The following ATP6V1C1 variants were observed in gnomAD, a reference collection of about 807,000 sequenced individuals.
ATP6V1C1 encodes V-type proton ATPase subunit C 1.
A neutral mutation model predicts 53.9 loss-of-function variants in ATP6V1C1; 45 were observed. That is an observed-to-expected ratio of 0.83 (90% confidence interval 0.66 to 1.07). The LOEUF (loss-of-function observed/expected upper bound fraction) is 1.07, where lower values mean the gene tolerates loss of function less well. Among genes scored for constraint, ATP6V1C1 ranks in the 50% least tolerant of loss-of-function variants. The pLI, the probability that ATP6V1C1 is intolerant of heterozygous loss-of-function variation, is 0.00. For synonymous variants in ATP6V1C1, 153 were observed against 155.2 expected, an observed-to-expected ratio of 0.99 and a Z score of 0.11; for missense variants, 315 against 440.3, an observed-to-expected ratio of 0.72 and a Z score of 2.55.
In ATP6V1C1 at chr8:103,069,025, T is replaced by C; in HGVS notation, c.*278T>C. The C allele has an allele frequency of 5.0e-6, 1 of 200,696 alleles. No individual in the cohort carries two copies. The highest frequency in any genetic ancestry group is 9.9e-6 in the Non-Finnish European group (1 of 101,076). 12.4% of individuals were successfully genotyped at this position (200,696 alleles called of 1,614,324 possible). On this transcript the variant is annotated 3_prime_UTR_variant, in exon 13 of 13. Coordinates refer to ENST00000518738, the MANE Select transcript of ATP6V1C1 (RefSeq NM_001695.5). ...ATAGTTTATTTAAAGAGAAGGTCTCTTCCTTATTGATATCATGGTATGCAT... is the reference window on the plus strand; with the variant it reads ...ATAGTTTATTTAAAGAGAAGGTCTCCTCCTTATTGATATCATGGTATGCAT...
intron 1 of ATP6V1C1, among the ~76,000 whole-genome samples, chr8:103,039,104 A>T (rs1000516484): frequency 6.6e-6 from 1 of 152,206 alleles, no homozygotes; most frequent in African/African-American, 2.4e-5. Context: ...ACATTCATTT[A>T]ATACCACTGT....
intron 4 of ATP6V1C1, among the ~76,000 whole-genome samples, chr8:103,049,423 G>A (rs992025791): frequency 1.8e-4 from 27 of 151,996 alleles, no homozygotes; most frequent in African/African-American, 6.0e-4. Flanking sequence ...TATGATTTTG[G>A]CATTTCTTTA....
chr8:103,057,939 A>G (rs1041804910), intron 8 of ATP6V1C1, among the ~76,000 whole-genome samples: 5 of 152,012 alleles, frequency 3.3e-5, no homozygotes, highest in Non-Finnish European at 7.4e-5. Flanking sequence ...GGCTGTTGAT[A>G]CTGACAGATC....
intron 1 of ATP6V1C1, among the ~76,000 whole-genome samples, chr8:103,033,229 AG>A (rs1816829678): frequency 6.6e-6 from 1 of 152,048 alleles, no homozygotes; most frequent in South Asian, 2.1e-4. Flanking sequence ...TGGGGATGAT[AG>A]AAGTGTCCTT....
chr8:103,021,111 C>G lies in ATP6V1C1; in HGVS notation c.-154C>G, dbSNP rs1232593305. On this transcript the variant is annotated 5_prime_UTR_variant, in exon 1 of 13. Coordinates refer to ENST00000518738, the MANE Select transcript of ATP6V1C1 (RefSeq NM_001695.5). ...CTGTGTTCGCTTGGGTAGAGGAAGC[C>G]GTGAGGCCGGAGCTTAGGTCGGGAA... 3 of 152,890 alleles carry G rather than the reference C, an allele frequency of 2.0e-5. No homozygotes were observed. Among genetic ancestry groups the G allele is most frequent in the Non-Finnish European group, 4.4e-5 (3 of 68,244 alleles). The allele number at this position is 152,890 out of a possible 1,614,324, so 9.5% of individuals were successfully genotyped here. A position where few individuals can be genotyped will look rare whatever the true frequency, so the allele number is the denominator to read the frequency against.
In ATP6V1C1 at chr8:103,072,800, C is replaced by T. The variant is rs1450514729; in HGVS notation, c.*4053C>T. ...AGAGTAAAGCCATGGAAGCCATGAACAGTAAGAGACTGCCGCCTGGCATGG... is the reference window on the plus strand; with the variant it reads ...AGAGTAAAGCCATGGAAGCCATGAATAGTAAGAGACTGCCGCCTGGCATGG... On this transcript the variant is annotated 3_prime_UTR_variant, in exon 13 of 13. Coordinates refer to ENST00000518738, the MANE Select transcript of ATP6V1C1 (RefSeq NM_001695.5). 6.6e-6 allele frequency: 1 copy of T among 152,182 alleles called. No individual in the cohort carries two copies. The highest frequency in any genetic ancestry group is 1.5e-5 in the Non-Finnish European group (1 of 68,040). The allele number at this position is 152,182 out of a possible 1,614,324, so 9.4% of individuals were successfully genotyped here. A position where few individuals can be genotyped will look rare whatever the true frequency, so the allele number is the denominator to read the frequency against.
At chr8:103,025,025 T>C (rs1188841329) in intron 1 of ATP6V1C1, among the ~76,000 whole-genome samples, 1 of 152,064 alleles carries the variant, frequency 6.6e-6, no homozygotes, top group African/African-American at 2.4e-5. Flanking sequence ...GAGTATTAAC[T>C]GTATATCTAA....
intron 3 of ATP6V1C1, among the ~76,000 whole-genome samples, chr8:103,045,738 G>A (rs897266725): frequency 3.9e-5 from 6 of 152,124 alleles, no homozygotes; most frequent in Admixed American, 1.3e-4. Context: ...TCAGGAGATC[G>A]AGACCATCCT....
Position 103,062,978 on chromosome 8 carries a change from G to A in ATP6V1C1, c.665G>A (p.Ser222Asn). The A allele has an allele frequency of 6.2e-7, 1 of 1,613,600 alleles. No individual in the cohort carries two copies. The highest frequency in any genetic ancestry group is 1.3e-5 in the African/African-American group (1 of 74,942). The change falls in exon 9 of 13, where the codon AGT becomes AAT. Residue 222 changes from serine (S) to asparagine (N), a missense_variant. Ser to Asn is a conservative substitution (Grantham distance 46). Coordinates refer to ENST00000518738, the MANE Select transcript of ATP6V1C1 (RefSeq NM_001695.5). ...SSNVLSEDQD[S>N]YLCNVTLFRK... The stretch of plus-strand genomic sequence containing the variant: ...AGTGTTCTTTCAGAGGACCAAGACA[G>A]TTACCTGTGTAATGTCACCTTGTTT...
intron 1 of ATP6V1C1, among the ~76,000 whole-genome samples, chr8:103,029,751 G>C (rs1391627214): frequency 6.9e-6 from 1 of 144,032 alleles, no homozygotes; most frequent in Non-Finnish European, 1.5e-5. Context: ...TTTTTTTTTT[G>C]AGATGGAGTC....
chr8:103,028,309 A>T (rs1816733324), intron 1 of ATP6V1C1, among the ~76,000 whole-genome samples: 1 of 152,178 alleles, frequency 6.6e-6, no homozygotes, highest in Admixed American at 6.5e-5. Flanking sequence ...GAGGAATGCG[A>T]GGATAAGGCA....
chr8:103,049,411 A>T (rs1343464794), intron 4 of ATP6V1C1, among the ~76,000 whole-genome samples: 1 of 152,186 alleles, frequency 6.6e-6, no homozygotes, highest in Non-Finnish European at 1.5e-5. Flanking sequence ...GTGCCCCCTC[A>T]GTATGATTTT....
intron 3 of ATP6V1C1, among the ~76,000 whole-genome samples, chr8:103,047,430 G>GCACACACACACACACA (rs546475923): frequency 3.8e-5 from 4 of 104,950 alleles, no homozygotes; most frequent in South Asian, 6.8e-4. Flanking sequence ...AAATGCGCGC[G>GCACACACACACACACA]CACACACACA....
chr8:103,047,504 T>TA (rs1817126626), intron 3 of ATP6V1C1, among the ~76,000 whole-genome samples: 1 of 150,968 alleles, frequency 6.6e-6, no homozygotes, highest in Non-Finnish European at 1.5e-5. Context: ...AGGAATTTCT[T>TA]AATTTGTCTT....
intron 8 of ATP6V1C1, among the ~76,000 whole-genome samples, chr8:103,061,494 T>C (rs759509683): frequency 2.0e-5 from 3 of 152,208 alleles, no homozygotes; most frequent in Non-Finnish European, 4.4e-5. Flanking sequence ...CTCCATTTTG[T>C]AAAATTTCCT....
chr8:103,041,341 C>A (rs1461215050), intron 2 of ATP6V1C1, among the ~76,000 whole-genome samples: 5 of 152,066 alleles, frequency 3.3e-5, no homozygotes, highest in African/African-American at 1.2e-4. Context: ...AAATGTGTTA[C>A]CATGGCACCT....
At chr8:103,039,160 G>A (rs1431448869) in intron 1 of ATP6V1C1, among the ~76,000 whole-genome samples, 3 of 152,148 alleles carry the variant, frequency 2.0e-5, no homozygotes, top group Non-Finnish European at 4.4e-5. Flanking sequence ...CTGTAAATGG[G>A]AAGCATGATA....
intron 8 of ATP6V1C1, among the ~76,000 whole-genome samples, chr8:103,056,371 G>C (rs1817289097): frequency 6.6e-6 from 1 of 151,426 alleles, no homozygotes; most frequent in African/African-American, 2.4e-5. Context: ...TTGATCTCCA[G>C]ATGTTCACCA....
In ATP6V1C1 at chr8:103,025,645, TA is replaced by T. The variant is rs541216643; in HGVS notation, c.-40+4424del. Among the ~76,000 whole-genome samples, 54 of 152,308 alleles carry T rather than the reference TA, an allele frequency of 3.5e-4. No homozygotes were observed. In the South Asian group the frequency reaches 0.011, roughly 30 times the overall value. ...TCAAATAGAGTCCCCTTAATCCCAA[TA>T]AAATGTAGTCACTAAATGTCTTTGG... is the stretch of plus-strand genomic sequence containing the variant. On this transcript the variant is annotated intron_variant, in intron 1 of 12. Coordinates refer to ENST00000518738, the MANE Select transcript of ATP6V1C1 (RefSeq NM_001695.5).
Sources: gnomAD v4.1 joint callset for allele counts (sites outside exome capture counted in the v4.1 genomes callset) on GRCh38, gnomAD v4.1.1 for gene constraint, MANE v1.5 for transcripts, NCBI Gene and HGNC (gene_info 2026-07-23, HGNC 2026-07-21) for gene names.